ETV6: variants seen among roughly 807,000 people sequenced by gnomAD.
ETV6 encodes transcription factor ETV6.
In ETV6, 16 loss-of-function variants were observed where a neutral mutation model predicts 51.1. That is an observed-to-expected ratio of 0.31 (90% CI 0.21 to 0.48). The LOEUF is 0.48. Ranked by LOEUF, ETV6 falls within the 20% of genes least tolerant of loss-of-function variation. ETV6 has a pLI of 0.99. For missense variants in ETV6, 458 were observed against 594.8 expected (o/e 0.77, Z 2.39); for synonymous variants, 240 against 224.1 (o/e 1.07, Z -0.64).
At chr12:11,790,827 G>A (rs1012260749) in intron 2 of ETV6, among the ~76,000 whole-genome samples, 25 of 151,900 alleles carry the variant, frequency 1.6e-4, no homozygotes, top group Admixed American at 6.5e-4. Flanking sequence ...ACAGGCGCGC[G>A]CCACCACACC....
At chr12:11,737,355 A>C (rs1204288122) in intron 1 of ETV6, among the ~76,000 whole-genome samples, 3 of 152,214 alleles carry the variant, frequency 2.0e-5, no homozygotes, top group Admixed American at 1.3e-4. Context: ...CGCAGTTCTA[A>C]GAGGTGTTCT....
intron 1 of ETV6, among the ~76,000 whole-genome samples, chr12:11,666,951 C>G (rs112932997): frequency 0.035 from 5,366 of 152,286 alleles, 112 homozygotes; most frequent in Admixed American, 0.062. Flanking sequence ...GCTTTGCTCA[C>G]ATGGGCTCCT....
At chr12:11,759,641 C>T (rs950920136) in intron 2 of ETV6, among the ~76,000 whole-genome samples, 1 of 152,220 alleles carries the variant, frequency 6.6e-6, no homozygotes, top group African/African-American at 2.4e-5. Flanking sequence ...TCCCAACCCT[C>T]AATACGTCTG....
chr12:11,738,806 G>T (rs1264433082), intron 1 of ETV6, among the ~76,000 whole-genome samples: 1 of 152,164 alleles, frequency 6.6e-6, no homozygotes, highest in East Asian at 1.9e-4. Flanking sequence ...CTTTGGAGAA[G>T]TTTAAACCTG....
At chr12:11,768,847 C>T in intron 2 of ETV6, 1 of 449,976 alleles carries the variant, frequency 2.2e-6, no homozygotes, top group Admixed American at 2.4e-5. Flanking sequence ...TACCACATTC[C>T]AGCTACATAA....
intron 5 of ETV6, among the ~76,000 whole-genome samples, chr12:11,879,886 G>A (rs368743722): frequency 6.6e-6 from 1 of 152,038 alleles, no homozygotes; most frequent in Admixed American, 6.5e-5. Flanking sequence ...TATCTGTGCA[G>A]GCATGGGTTC....
intron 4 of ETV6, among the ~76,000 whole-genome samples, chr12:11,859,431 A>G (rs1312807992): frequency 2.0e-5 from 3 of 151,844 alleles, no homozygotes; most frequent in African/African-American, 4.8e-5. Flanking sequence ...ATGAGCCACC[A>G]CACCCGGCCT....
intron 1 of ETV6, chr12:11,751,373 C>G (rs1325033928): frequency 1.9e-6 from 1 of 518,964 alleles, no homozygotes; most frequent in Non-Finnish European, 3.8e-6. Flanking sequence ...TCTTACTGGT[C>G]TTTCCTTTCC....
At chr12:11,698,552 T>C (rs77199809) in intron 1 of ETV6, among the ~76,000 whole-genome samples, 6 of 152,150 alleles carry the variant, frequency 3.9e-5, no homozygotes, top group African/African-American at 1.2e-4. Flanking sequence ...TGTTCCATAC[T>C]ATGTGGGCCT....
chr12:11,738,105 T>C (rs758164811), intron 1 of ETV6, among the ~76,000 whole-genome samples: 7 of 151,984 alleles, frequency 4.6e-5, no homozygotes, highest in African/African-American at 7.3e-5. Flanking sequence ...CATTCTTCGT[T>C]TTAAGAAGGA....
chr12:11,774,265 G>A (rs1323560216), intron 2 of ETV6, among the ~76,000 whole-genome samples: 1 of 152,152 alleles, frequency 6.6e-6, no homozygotes, highest in Non-Finnish European at 1.5e-5. Context: ...TGTTCTTCCT[G>A]GTCAACAAAC....
intron 4 of ETV6, among the ~76,000 whole-genome samples, chr12:11,867,939 GC>G (rs918422477): frequency 7.9e-5 from 12 of 152,282 alleles, no homozygotes; most frequent in African/African-American, 2.9e-4. Context: ...CCAGGTGTGT[GC>G]CGGTCCATTC....
chr12:11,778,145 G>T (rs1356771728), intron 2 of ETV6, among the ~76,000 whole-genome samples: 1 of 152,206 alleles, frequency 6.6e-6, no homozygotes, highest in East Asian at 1.9e-4. Flanking sequence ...TCTCAGGGTC[G>T]CAGTTTCCTC....
intron 1 of ETV6, among the ~76,000 whole-genome samples, chr12:11,726,655 A>C (rs1865494308): frequency 6.6e-6 from 1 of 151,892 alleles, no homozygotes; most frequent in Non-Finnish European, 1.5e-5. Context: ...CTAGAGTCCC[A>C]GCTACTTGGG....
chr12:11,818,297 C>A (rs1460985572), intron 2 of ETV6, among the ~76,000 whole-genome samples: 3 of 152,184 alleles, frequency 2.0e-5, no homozygotes, highest in Non-Finnish European at 4.4e-5. Flanking sequence ...GTGAGCAGAT[C>A]ACGTGAGGCC....
At chr12:11,859,007 C>T (rs991044418) in intron 4 of ETV6, among the ~76,000 whole-genome samples, 13 of 151,290 alleles carry the variant, frequency 8.6e-5, no homozygotes, top group Non-Finnish European at 1.3e-4. Context: ...TGAGGGGAAT[C>T]GTACCCCTCC....
At chr12:11,880,427 A>G (rs145236440) in intron 5 of ETV6, among the ~76,000 whole-genome samples, 178 of 152,304 alleles carry the variant, frequency 1.2e-3, no homozygotes, top group Non-Finnish European at 2.0e-3. Context: ...TTGCCATCTG[A>G]TAAGTAGATA....
chr12:11,888,405 T>TTC, intron 7 of ETV6, among the ~76,000 whole-genome samples: 3 of 148,188 alleles, frequency 2.0e-5, no homozygotes, highest in Non-Finnish European at 1.5e-5. Context: ...TTTCTTTTTT[T>TTC]TTTTTTTTTA....
chr12:11,844,967 G>A (rs1382556636), intron 3 of ETV6, among the ~76,000 whole-genome samples: 1 of 152,112 alleles, frequency 6.6e-6, no homozygotes, highest in Non-Finnish European at 1.5e-5. Flanking sequence ...GAGTAGCTGG[G>A]ACTACAGGCG....
Sources: allele counts gnomAD v4.1 joint callset (sites outside exome capture counted in the v4.1 genomes callset), GRCh38; gene constraint gnomAD v4.1.1; transcripts MANE v1.5; gene names NCBI Gene and HGNC (gene_info 2026-07-23, HGNC 2026-07-21).